Variants in GJB7 observed in about 807,000 individuals in gnomAD.
GJB7 encodes the protein gap junction protein beta 7.
For missense variants in GJB7, 253 were observed against 256.8 expected (o/e 0.99, Z 0.10); for synonymous variants, 87 against 95.2 (o/e 0.91, Z 0.50).
At chr6:87,325,557 C>T (rs12211594) in intron 1 of GJB7, among the ~76,000 whole-genome samples, 2 of 147,964 alleles carry the variant, frequency 1.4e-5, no homozygotes, top group African/African-American at 5.0e-5. Flanking sequence ...TGTTTATATG[C>T]TGGATTACAT....
At chr6:87,298,352 C>G (rs555691227) in intron 2 of GJB7, among the ~76,000 whole-genome samples, 2 of 152,258 alleles carry the variant, frequency 1.3e-5, no homozygotes, top group South Asian at 4.1e-4. Flanking sequence ...AAGTGGAGAA[C>G]CAAGAGGAAA....
chr6:87,325,854 C>T (rs1186339282), intron 1 of GJB7, among the ~76,000 whole-genome samples: 4 of 152,184 alleles, frequency 2.6e-5, no homozygotes, highest in African/African-American at 9.7e-5. Context: ...CCAGTTCCTC[C>T]TTGTACCTCT....
At chr6:87,301,186 G>C (rs972333749) in intron 2 of GJB7, among the ~76,000 whole-genome samples, 2 of 152,132 alleles carry the variant, frequency 1.3e-5, no homozygotes, top group Admixed American at 6.5e-5. Flanking sequence ...GTGGGTGCAG[G>C]ACAGTGGGTG....
intron 2 of GJB7, among the ~76,000 whole-genome samples, chr6:87,285,310 C>T (rs1198678877): frequency 6.6e-6 from 1 of 152,144 alleles, no homozygotes; most frequent in East Asian, 1.9e-4. Context: ...TCAAGGTGAT[C>T]CTGGTATCTT....
intron 2 of GJB7, chr6:87,299,330 G>T: frequency 2.1e-6 from 1 of 473,066 alleles, no homozygotes; most frequent in Non-Finnish European, 4.2e-6. Context: ...AATAAATTTG[G>T]AAGAAAGGGT....
intron 1 of GJB7, among the ~76,000 whole-genome samples, chr6:87,325,215 C>T (rs140724647): frequency 0.11 from 17,362 of 151,200 alleles, 1,041 homozygotes; most frequent in East Asian, 0.13. Flanking sequence ...TCTGCAAACA[C>T]GGACAATTTG....
At position 87,328,049 on chromosome 6, in the gene GJB7, G is replaced by C. The variant is rs867594575; in HGVS notation, c.-206+1089C>G. On this transcript the variant is annotated intron_variant, in intron 1 of 2. Coordinates refer to ENST00000525899, the MANE Select transcript of GJB7 (RefSeq NM_198568.3). ...CCCTTTCTTCCAGTTGATCGCATCA[G>C]CTCCTGAGGCTTCTGCATTCTTCAC... is the stretch of plus-strand genomic sequence containing the variant. Among the ~76,000 whole-genome samples the C allele has an allele frequency of 2.7e-4, 41 of 152,200 alleles. No homozygotes were observed. The South Asian group carries it at 8.5e-3, about 32-fold the overall frequency.
intron 2 of GJB7, among the ~76,000 whole-genome samples, chr6:87,292,820 G>C (rs188150750): frequency 3.9e-4 from 60 of 152,266 alleles, no homozygotes; most frequent in African/African-American, 1.2e-3. Context: ...TTAGGTCTCA[G>C]AGCCAGCATG....
At chr6:87,328,830 G>T (rs1402452785) in intron 1 of GJB7, among the ~76,000 whole-genome samples, 1 of 152,220 alleles carries the variant, frequency 6.6e-6, no homozygotes, top group Non-Finnish European at 1.5e-5. Flanking sequence ...CCTGGGCAAT[G>T]GCGGGCGCCC....
Position 87,284,627 on chromosome 6 carries a change from CTACATG to C in GJB7, c.280_285del (p.His94_Val95del), listed in dbSNP as rs1562207024. 1.9e-6 allele frequency: 3 copies of C among 1,614,034 alleles called. No homozygotes were observed. The highest frequency in any genetic ancestry group is 2.5e-6 in the Non-Finnish European group (3 of 1,180,060). ...CTTTTCTCTCTACCCTCATGATAGG[CTACATG>C]TAAAACCACCAGAAGTGAAGGTGTG... On this transcript the variant is annotated inframe_deletion, in exon 3 of 3. Coordinates refer to ENST00000525899, the MANE Select transcript of GJB7 (RefSeq NM_198568.3).
At chr6:87,306,065 A>G (rs1487037734) in intron 2 of GJB7, among the ~76,000 whole-genome samples, 3 of 152,018 alleles carry the variant, frequency 2.0e-5, no homozygotes, top group African/African-American at 4.8e-5. Context: ...ACCTAAAACC[A>G]TAAAAACCCT....
intron 2 of GJB7, among the ~76,000 whole-genome samples, chr6:87,317,441 T>A (rs1776599517): frequency 6.6e-6 from 1 of 151,464 alleles, no homozygotes; most frequent in Non-Finnish European, 1.5e-5. Flanking sequence ...TCCTTTTTTT[T>A]TTTTTGAGAC....
At chr6:87,318,328 G>A (rs190047095) in intron 2 of GJB7, among the ~76,000 whole-genome samples, 1 of 152,208 alleles carries the variant, frequency 6.6e-6, no homozygotes, top group Admixed American at 6.5e-5. Context: ...ACAATGGAGG[G>A]CATATTATCA....
chr6:87,312,980 G>T (rs867462692), intron 2 of GJB7, among the ~76,000 whole-genome samples: 2 of 152,354 alleles, frequency 1.3e-5, no homozygotes, highest in Middle Eastern at 3.4e-3. Context: ...GTTACCATGT[G>T]AGACTGTCCT....
In GJB7 at chr6:87,284,578, C is replaced by G. The variant is rs1033100962; in HGVS notation, c.335G>C (p.Ser112Thr). The G allele has an allele frequency of 4.3e-6, 7 of 1,614,130 alleles. No homozygotes were observed. The highest frequency in any genetic ancestry group is 5.1e-6 in the Non-Finnish European group (6 of 1,180,002). ...TAGGCCCCCATCCATTGTACCTGGG[C>G]TGACATAGAGTTTCTTTCTGTGCCT... is the stretch of plus-strand genomic sequence containing the variant. Reference protein sequence around the residue: ...EKRHRKKLYVSPGTMDGGLWY... With the variant: ...EKRHRKKLYVTPGTMDGGLWY... The change falls in exon 3 of 3, where the codon AGC becomes ACC. Residue 112 changes from serine to threonine, a missense_variant. Transcript: ENST00000525899.
At position 87,284,901 on chromosome 6, in the gene GJB7, C is replaced by T. The variant is rs1490023365; in HGVS notation, c.12G>A (p.Met4Ile). 1 of 1,610,780 alleles carries T rather than the reference C, an allele frequency of 6.2e-7. No individual in the cohort carries two copies. Among genetic ancestry groups the T allele is most frequent in the East Asian group, 2.2e-5 (1 of 44,802 alleles). ...CTCCACTCAGGAGATCTCTGAGGAA[C>T]ATCCAACTCATGACTTAGGCTCAAA... Reference protein sequence around the residue: MSWMFLRDLLSGVN... With the variant: MSWIFLRDLLSGVN... The change falls in exon 3 of 3, where the codon ATG becomes ATA. Residue 4 changes from methionine to isoleucine, a missense_variant. Met to Ile is a conservative substitution (Grantham distance 10, BLOSUM62 1). Transcript: ENST00000525899.
intron 2 of GJB7, among the ~76,000 whole-genome samples, chr6:87,304,888 C>T (rs945651354): frequency 4.6e-5 from 7 of 152,106 alleles, no homozygotes; most frequent in Non-Finnish European, 8.8e-5. Flanking sequence ...AATCAATGAA[C>T]GTAATCCAGC....
rs75424936 is a variant in GJB7, at chr6:87,320,381, A to G, written c.-28+2485T>C. Among the ~76,000 whole-genome samples the G allele has an allele frequency of 7.9e-3, 1,209 of 152,362 alleles. 23 individuals are homozygous for G. The highest frequency in any genetic ancestry group is 0.027 in the African/African-American group (1,105 of 41,584). The stretch of plus-strand genomic sequence containing the variant: ...GGAGAAAAAGTTTTAAATTCGAAAC[A>G]TATTTACCAAAGCTTTACATAAACC... On this transcript the variant is annotated intron_variant, in intron 2 of 2. Coordinates refer to ENST00000525899, the MANE Select transcript of GJB7 (RefSeq NM_198568.3).
intron 2 of GJB7, among the ~76,000 whole-genome samples, chr6:87,302,276 T>A (rs907968733): frequency 2.0e-5 from 3 of 149,762 alleles, no homozygotes; most frequent in African/African-American, 7.4e-5. Context: ...GCTAAAAGCC[T>A]TGAAAAAAAA....
Sources: allele counts gnomAD v4.1 joint callset (sites outside exome capture counted in the v4.1 genomes callset), GRCh38; gene constraint gnomAD v4.1.1; transcripts MANE v1.5; gene names NCBI Gene and HGNC (gene_info 2026-07-23, HGNC 2026-07-21).